Variants in VRK2 observed in about 807,000 individuals in gnomAD.
VRK2 encodes VRK serine/threonine kinase 2, also known as serine/threonine-protein kinase VRK2.
In VRK2, 60 loss-of-function variants were observed where a neutral mutation model predicts 57.6. That is an observed-to-expected ratio of 1.04 (90% CI 0.85 to 1.29). VRK2 has a LOEUF of 1.29. VRK2 is among the 50% of genes most tolerant of loss of function. VRK2 has a pLI of 0.00. For synonymous variants in VRK2, 231 were observed against 199.2 expected (o/e 1.16, Z -1.35); for missense variants, 705 against 588.1 (o/e 1.20, Z -2.06).
chr2:58,055,495 G>A (rs1032422662), intron 2 of VRK2, among the ~76,000 whole-genome samples: 5 of 152,214 alleles, frequency 3.3e-5, no homozygotes, highest in East Asian at 1.9e-4. Context: ...TTACTACTTC[G>A]TGTAGGGAAG....
At chr2:57,931,462 T>A (rs1670721503) in intron 1 of VRK2, among the ~76,000 whole-genome samples, 1 of 152,182 alleles carries the variant, frequency 6.6e-6, no homozygotes, top group Non-Finnish European at 1.5e-5. Flanking sequence ...ATTTTTAATG[T>A]TTACTTGATT....
intron 4 of VRK2, among the ~76,000 whole-genome samples, chr2:58,085,803 GA>G (rs923722668): frequency 4.6e-5 from 7 of 151,302 alleles, no homozygotes; most frequent in African/African-American, 1.5e-4. Context: ...CTAGAGTCAT[GA>G]AAAAAATGAT....
At chr2:58,001,621 T>G (rs1316980230) in intron 1 of VRK2, among the ~76,000 whole-genome samples, 1 of 151,994 alleles carries the variant, frequency 6.6e-6, no homozygotes, top group Non-Finnish European at 1.5e-5. Context: ...GAGGAGTTTG[T>G]GACCAGCCTG....
chr2:57,992,146 G>C (rs1672788163), intron 1 of VRK2, among the ~76,000 whole-genome samples: 2 of 152,114 alleles, frequency 1.3e-5, no homozygotes, highest in African/African-American at 4.8e-5. Flanking sequence ...TATCAGTCTA[G>C]TTTAGGGTGG....
intron 10 of VRK2, among the ~76,000 whole-genome samples, chr2:58,137,712 A>C (rs1450372339): frequency 1.3e-5 from 2 of 152,156 alleles, no homozygotes; most frequent in Non-Finnish European, 2.9e-5. Context: ...TAATAATAAT[A>C]GTTTCAAAAG....
chr2:57,940,165 G>C (rs1431356553), intron 1 of VRK2, among the ~76,000 whole-genome samples: 1 of 152,098 alleles, frequency 6.6e-6, no homozygotes, highest in Non-Finnish European at 1.5e-5. Context: ...TAATTATGGA[G>C]GCTAAGTCCC....
At chr2:58,087,914 G>A (rs995551727) in intron 5 of VRK2, among the ~76,000 whole-genome samples, 1 of 152,118 alleles carries the variant, frequency 6.6e-6, no homozygotes, top group Non-Finnish European at 1.5e-5. Flanking sequence ...TTGAACCTGG[G>A]AGGTGGAGGT....
chr2:57,925,006 T>C (rs1670484832), intron 1 of VRK2, among the ~76,000 whole-genome samples: 1 of 152,124 alleles, frequency 6.6e-6, no homozygotes, highest in Admixed American at 6.5e-5. Flanking sequence ...ATATGATGTA[T>C]CACATTCATT....
intron 2 of VRK2, among the ~76,000 whole-genome samples, chr2:58,060,641 G>A (rs1200059339): frequency 1.3e-5 from 2 of 151,756 alleles, no homozygotes; most frequent in African/African-American, 4.8e-5. Flanking sequence ...GTAAAGACAT[G>A]CAAAATAAAG....
intron 1 of VRK2, among the ~76,000 whole-genome samples, chr2:57,921,695 G>T (rs1670355582): frequency 6.6e-6 from 1 of 152,110 alleles, no homozygotes; most frequent in South Asian, 2.1e-4. Flanking sequence ...GGAACAGTAA[G>T]TTCCCAGTAA....
At chr2:57,963,950 A>C (rs569388939) in intron 1 of VRK2, among the ~76,000 whole-genome samples, 1 of 152,322 alleles carries the variant, frequency 6.6e-6, no homozygotes, top group East Asian at 1.9e-4. Flanking sequence ...TTAAACTGTC[A>C]TGTTACCATC....
chr2:58,021,616 T>C (rs542895991), intron 1 of VRK2, among the ~76,000 whole-genome samples: 2 of 152,276 alleles, frequency 1.3e-5, no homozygotes, highest in African/African-American at 4.8e-5. Context: ...TAGACATCTG[T>C]TAATATTAAT....
At chr2:57,927,200 T>G (rs150522976) in intron 1 of VRK2, among the ~76,000 whole-genome samples, 1 of 152,002 alleles carries the variant, frequency 6.6e-6, no homozygotes, top group Non-Finnish European at 1.5e-5. Flanking sequence ...TTTTTGTTGT[T>G]TCTATTTATA....
At chr2:57,910,283 A>G (rs1669946747) in intron 1 of VRK2, among the ~76,000 whole-genome samples, 1 of 152,194 alleles carries the variant, frequency 6.6e-6, no homozygotes, top group Admixed American at 6.5e-5. Flanking sequence ...CTGGAGTTCA[A>G]CAAAGTCAAG....
intron 6 of VRK2, 46 bp from the exon 7 acceptor site, chr2:58,089,585 A>G (rs371039861): frequency 8.4e-7 from 1 of 1,184,458 alleles, no homozygotes; most frequent in Non-Finnish European, 1.2e-6. Flanking sequence ...ATTGATCATG[A>G]GTTCTAAATA....
At chr2:58,003,873 C>A (rs55838138) in intron 1 of VRK2, among the ~76,000 whole-genome samples, 1 of 152,066 alleles carries the variant, frequency 6.6e-6, no homozygotes, top group Non-Finnish European at 1.5e-5. Flanking sequence ...TAATTGTTTA[C>A]TATAACTTGT....
rs372465534 is a variant in VRK2 at position 58,137,220 on chromosome 2, A to G, written c.856+2021A>G. Among the ~76,000 whole-genome samples, 97 of 48,070 alleles carry G rather than the reference A, an allele frequency of 2.0e-3. 1 individual carries two copies. The highest frequency in any genetic ancestry group is 3.4e-3 in the South Asian group (7 of 2,050). 31.5% of individuals were successfully genotyped at this position (48,070 alleles called of 152,430 possible). A position where few individuals can be genotyped will look rare whatever the true frequency, so the allele number is the denominator to read the frequency against. On this transcript the variant is annotated intron_variant, in intron 10 of 12. Transcript: ENST00000340157. ...TATATATCTCATATATGATACATATATATCATATGATACATATATATCATA... is the reference window on the plus strand; with the variant it reads ...TATATATCTCATATATGATACATATGTATCATATGATACATATATATCATA...
chr2:58,155,313 G>A (rs1475976467), intron 12 of VRK2, among the ~76,000 whole-genome samples: 1 of 152,208 alleles, frequency 6.6e-6, no homozygotes, highest in East Asian at 1.9e-4. Flanking sequence ...TCCAGTTTCT[G>A]AGGCCAGAGT....
chr2:57,990,880 CACACAT>C (rs1263322035), intron 1 of VRK2, among the ~76,000 whole-genome samples: 2,355 of 147,284 alleles, frequency 0.016, 61 homozygotes, highest in African/African-American at 0.056. Flanking sequence ...CACACACACA[CACACAT>C]GCACACACAC....
Sources: allele counts gnomAD v4.1 joint callset (sites outside exome capture counted in the v4.1 genomes callset), GRCh38; gene constraint gnomAD v4.1.1; transcripts MANE v1.5; gene names NCBI Gene and HGNC (gene_info 2026-07-23, HGNC 2026-07-21).